Variants in CCDC85C observed in about 807,000 individuals in gnomAD.
The protein encoded by CCDC85C is coiled-coil domain-containing protein 85C.
CCDC85C carries 18 observed loss-of-function variants against 38.3 expected under a neutral mutation model. The ratio of observed to expected loss-of-function variants is 0.47; its 90% CI spans 0.33 to 0.70. The LOEUF is 0.70. CCDC85C is among the 30% of genes least tolerant of loss of function. CCDC85C has a pLI of 0.03. For missense variants in CCDC85C, 566 were observed against 621.2 expected, an observed-to-expected ratio of 0.91 and a Z score of 0.94; for synonymous variants, 264 against 293.8, an observed-to-expected ratio of 0.90 and a Z score of 1.04.
Position 99,502,703 on chromosome 14 carries a change from GT to G in CCDC85C, c.*12542del. Reference sequence around the variant, plus strand: ...ATACCAATTTGTGTAAAATGTAATTGTTGGCTATCATTTAGACATCTGCCAC... The same window carrying G: ...ATACCAATTTGTGTAAAATGTAATTGTGGCTATCATTTAGACATCTGCCAC... On this transcript the variant is annotated 3_prime_UTR_variant, in exon 6 of 6. Coordinates refer to ENST00000380243, the MANE Select transcript of CCDC85C (RefSeq NM_001144995.2). 6.2e-7 allele frequency: 1 copy of G among 1,608,614 alleles called. No homozygotes were observed. The highest frequency in any genetic ancestry group is 8.5e-7 in the Non-Finnish European group (1 of 1,175,388).
chr14:99,536,167 AC>A, intron 1 of CCDC85C, 79 bp from the exon 2 acceptor site: 2 of 1,017,246 alleles, frequency 2.0e-6, no homozygotes, highest in Non-Finnish European at 3.0e-6. Context: ...CTGGCCCCAG[AC>A]CCGGCATGGA....
At chr14:99,531,760 G>T (rs1566763659) in intron 2 of CCDC85C, among the ~76,000 whole-genome samples, 1 of 152,032 alleles carries the variant, frequency 6.6e-6, no homozygotes, top group Non-Finnish European at 1.5e-5. Flanking sequence ...TGTACAACTT[G>T]ATTTCCCTGA....
intron 1 of CCDC85C, among the ~76,000 whole-genome samples, chr14:99,565,189 G>A (rs897038529): frequency 2.0e-5 from 3 of 152,166 alleles, no homozygotes; most frequent in East Asian, 1.9e-4. Context: ...TCTTGGGCTC[G>A]CTGGAGCCCA....
At chr14:99,530,720 C>G (rs533922796) in intron 2 of CCDC85C, among the ~76,000 whole-genome samples, 4 of 152,322 alleles carry the variant, frequency 2.6e-5, no homozygotes, top group African/African-American at 9.6e-5. Flanking sequence ...GGGGTGCTTC[C>G]CAGGGGCCAC....
At chr14:99,596,779 G>A (rs768822337) in intron 1 of CCDC85C, among the ~76,000 whole-genome samples, 2 of 152,210 alleles carry the variant, frequency 1.3e-5, no homozygotes, top group Non-Finnish European at 2.9e-5. Flanking sequence ...GCAGGGAGAT[G>A]AGAATTCTGA....
intron 1 of CCDC85C, among the ~76,000 whole-genome samples, chr14:99,562,980 ATTTAT>A (rs1566774917): frequency 6.6e-6 from 1 of 152,188 alleles, no homozygotes. Flanking sequence ...TCCAGGGGTC[ATTTAT>A]TTTAATTATT....
chr14:99,549,687 G>C (rs1188762233), intron 1 of CCDC85C, among the ~76,000 whole-genome samples: 2 of 152,212 alleles, frequency 1.3e-5, no homozygotes, highest in Admixed American at 1.3e-4. Flanking sequence ...GGTTAGAAGC[G>C]AGATAGACTC....
intron 1 of CCDC85C, among the ~76,000 whole-genome samples, chr14:99,575,428 T>C (rs974665612): frequency 8.5e-5 from 13 of 152,306 alleles, no homozygotes; most frequent in African/African-American, 2.9e-4. Context: ...CCCCCTTCTG[T>C]TGGTAACACA....
intron 2 of CCDC85C, among the ~76,000 whole-genome samples, chr14:99,524,333 C>T (rs1897343735): frequency 6.6e-6 from 1 of 152,084 alleles, no homozygotes; most frequent in Non-Finnish European, 1.5e-5. Flanking sequence ...TCTGTTTGGA[C>T]TCCGGCGTCC....
rs1897772727 is a variant in CCDC85C, at chr14:99,544,564, A to G, written c.794-8476T>C. On this transcript the variant is annotated intron_variant, in intron 1 of 5. Coordinates refer to ENST00000380243, the MANE Select transcript of CCDC85C (RefSeq NM_001144995.2). The surrounding 1 kb of genome is among the most constrained non-coding windows in gnomAD (Gnocchi z 5.3). ...CACCCAGGACTCTTCTAGACAACCC[A>G]CTGAGGCAGGGGATGGGGCTTGGAA... Among the ~76,000 whole-genome samples, 1 of 151,806 alleles carries G rather than the reference A, an allele frequency of 6.6e-6. No individual in the cohort carries two copies. Among genetic ancestry groups the G allele is most frequent in the Non-Finnish European group, 1.5e-5 (1 of 67,964 alleles).
rs961732726 is a variant in CCDC85C, at chr14:99,587,966, G to A, written c.793+15201C>T. Among the ~76,000 whole-genome samples, 10 of 152,164 alleles carry A rather than the reference G, an allele frequency of 6.6e-5. No homozygotes were observed. The South Asian group carries it at 1.7e-3, about 25-fold the overall frequency. ...CTGCATCCCTGTTCTCGTGGAGAAC[G>A]TGGCAAGCTCCAGTCCAGTGCCCTC... On this transcript the variant is annotated intron_variant, in intron 1 of 5. Coordinates refer to ENST00000380243, the MANE Select transcript of CCDC85C (RefSeq NM_001144995.2).
rs746022683 is a variant in CCDC85C at position 99,535,446 on chromosome 14, A to G, written c.867+569T>C. 1.5e-3 allele frequency among the ~76,000 whole-genome samples: 228 copies of G among 152,126 alleles called. No homozygotes were observed. The highest frequency in any genetic ancestry group is 3.4e-3 in the Middle Eastern group (1 of 294). On this transcript the variant is annotated intron_variant, in intron 2 of 5. Transcript: ENST00000380243. This position sits in a 1 kb window ranked among gnomAD's most constrained non-coding sequence, Gnocchi z 5.5. ...GGAAAGCCCTTGTCCTGGCAGTCACACGTCCCCTCCAAGCTCCAGCCACAC... is the reference window on the plus strand; with the variant it reads ...GGAAAGCCCTTGTCCTGGCAGTCACGCGTCCCCTCCAAGCTCCAGCCACAC...
rs1898475352 is a variant in CCDC85C at position 99,576,309 on chromosome 14, C to T, written c.793+26858G>A. 6.6e-6 allele frequency among the ~76,000 whole-genome samples: 1 copy of T among 152,228 alleles called. No homozygotes were observed. The highest frequency in any genetic ancestry group is 2.4e-5 in the African/African-American group (1 of 41,462). ...TCTAAAATCCAGGGCCAGGGCCCCT[C>T]GAGGGTGGTCCCAAAGGTCCCCAGG... On this transcript the variant is annotated intron_variant, in intron 1 of 5. Coordinates refer to ENST00000380243, the MANE Select transcript of CCDC85C (RefSeq NM_001144995.2). This position sits in a 1 kb window ranked among gnomAD's most constrained non-coding sequence, Gnocchi z 4.8.
intron 1 of CCDC85C, among the ~76,000 whole-genome samples, chr14:99,553,490 G>A (rs527741578): frequency 4.6e-5 from 7 of 152,218 alleles, no homozygotes; most frequent in South Asian, 4.2e-4. Flanking sequence ...TCAGCCTCCC[G>A]AGTAAATGGG....
At chr14:99,590,578 G>C (rs898473548) in intron 1 of CCDC85C, among the ~76,000 whole-genome samples, 2 of 152,092 alleles carry the variant, frequency 1.3e-5, no homozygotes, top group Non-Finnish European at 2.9e-5. Flanking sequence ...GTTTGGAAAG[G>C]TCTCCTTTCT....
chr14:99,544,155 G>A lies in CCDC85C; in HGVS notation c.794-8067C>T, dbSNP rs1163601581. On this transcript the variant is annotated intron_variant, in intron 1 of 5. Coordinates refer to ENST00000380243, the MANE Select transcript of CCDC85C (RefSeq NM_001144995.2). This position sits in a 1 kb window ranked among gnomAD's most constrained non-coding sequence, Gnocchi z 5.3. Reference sequence around the variant, plus strand: ...CTGTAACTGCTACCACTGTGTCATCGACAAGGCGCCTGAGACTCAGCGATG... The same window carrying A: ...CTGTAACTGCTACCACTGTGTCATCAACAAGGCGCCTGAGACTCAGCGATG... Among the ~76,000 whole-genome samples the A allele has an allele frequency of 6.6e-6, 1 of 152,144 alleles. No homozygotes were observed. The highest frequency in any genetic ancestry group is 2.1e-4 in the South Asian group (1 of 4,826).
intron 1 of CCDC85C, among the ~76,000 whole-genome samples, chr14:99,575,467 G>C (rs1898454605): frequency 6.6e-6 from 1 of 152,212 alleles, no homozygotes; most frequent in African/African-American, 2.4e-5. Context: ...AAGACCTGCT[G>C]AGAAAGGGAG....
rs141755028 is a variant in CCDC85C at position 99,600,888 on chromosome 14, G to C, written c.793+2279C>G. Among the ~76,000 whole-genome samples the C allele has an allele frequency of 2.9e-3, 437 of 152,328 alleles. 6 individuals are homozygous for C. Among genetic ancestry groups the C allele is most frequent in the African/African-American group, 9.7e-3 (403 of 41,560 alleles). The stretch of plus-strand genomic sequence containing the variant: ...AGAAAAGCCCAGTTTCACCAGGTGA[G>C]GTGGCTCATGGCTCTAATCACAGCT... On this transcript the variant is annotated intron_variant, in intron 1 of 5. Transcript: ENST00000380243.
rs1216106206 is a variant in CCDC85C at position 99,508,678 on chromosome 14, G to A, written c.*6568C>T. 1 of 152,698 alleles carries A rather than the reference G, an allele frequency of 6.5e-6. No homozygotes were observed. Among genetic ancestry groups the A allele is most frequent in the Non-Finnish European group, 1.5e-5 (1 of 68,380 alleles). The allele number at this position is 152,698 out of a possible 1,614,324, so 9.5% of individuals were successfully genotyped here. On this transcript the variant is annotated 3_prime_UTR_variant, in exon 6 of 6. Transcript: ENST00000380243. The stretch of plus-strand genomic sequence containing the variant: ...GTGGCAGTGTGTGGGACTTGGTCAG[G>A]AGCAAGTGTACAGAGAGGGAATGGG...
Sources: gnomAD v4.1 joint callset for allele counts (sites outside exome capture counted in the v4.1 genomes callset) on GRCh38, gnomAD v4.1.1 for gene constraint, Gnocchi (gnomAD v3.1) non-coding constraint, MANE v1.5 for transcripts, NCBI Gene and HGNC (gene_info 2026-07-23, HGNC 2026-07-21) for gene names.